The following FOXK1 variants were observed in gnomAD, a reference collection of about 807,000 sequenced individuals.
The protein encoded by FOXK1 is forkhead box K1, also known as forkhead box protein K1.
FOXK1 carries 19 observed loss-of-function variants against 51.9 expected under a neutral mutation model. That is an observed-to-expected ratio of 0.37 (90% CI 0.26 to 0.54). FOXK1 has a LOEUF of 0.54. Ranked by LOEUF, FOXK1 falls within the 20% of genes least tolerant of loss-of-function variation. The pLI is 0.87. For missense variants in FOXK1, 870 were observed against 1,032.7 expected, an observed-to-expected ratio of 0.84 and a Z score of 2.16; for synonymous variants, 537 against 482.6, an observed-to-expected ratio of 1.11 and a Z score of -1.48.
intron 1 of FOXK1, among the ~76,000 whole-genome samples, chr7:4,695,595 A>T (rs1354457104): frequency 6.6e-6 from 1 of 152,162 alleles, no homozygotes; most frequent in Non-Finnish European, 1.5e-5. Flanking sequence ...ACAGGTCAGG[A>T]GTTCGACACC....
chr7:4,685,270 G>A (rs1779804536), intron 1 of FOXK1, among the ~76,000 whole-genome samples: 1 of 136,298 alleles, frequency 7.3e-6, no homozygotes, highest in African/African-American at 2.7e-5. Context: ...CTGTTGTCCA[G>A]ACTGGAGTGC....
intron 1 of FOXK1, among the ~76,000 whole-genome samples, chr7:4,738,230 A>T (rs539833324): frequency 6.6e-6 from 1 of 151,728 alleles, no homozygotes; most frequent in East Asian, 1.9e-4. Context: ...TGAGGTCAGG[A>T]GTTTGAGACC....
rs970312912 is a variant in FOXK1 at position 4,749,724 on chromosome 7, G to C, written c.747-4735G>C. On this transcript the variant is annotated intron_variant, in intron 2 of 8. Coordinates refer to ENST00000328914, the MANE Select transcript of FOXK1 (RefSeq NM_001037165.2). The surrounding 1 kb of genome is among the most constrained non-coding windows in gnomAD (Gnocchi z 6.0). ...GTGGCCTTCTCAGCCTCAGAGCAGAGCCAAGGGCATTGAGGGTGGACTGGA... is the reference window on the plus strand; with the variant it reads ...GTGGCCTTCTCAGCCTCAGAGCAGACCCAAGGGCATTGAGGGTGGACTGGA... Among the ~76,000 whole-genome samples the C allele has an allele frequency of 1.3e-5, 2 of 152,238 alleles. No homozygotes were observed. The highest frequency in any genetic ancestry group is 2.9e-5 in the Non-Finnish European group (2 of 68,046).
intron 1 of FOXK1, among the ~76,000 whole-genome samples, chr7:4,719,591 C>T (rs950913975): frequency 1.3e-5 from 2 of 152,334 alleles, no homozygotes; most frequent in East Asian, 3.9e-4. Flanking sequence ...AAGCAATTCT[C>T]CTGCCTCAGC....
In FOXK1 at chr7:4,715,786, C is replaced by G. The variant is rs1253874055; in HGVS notation, c.561-25052C>G. ...CTCACAGCGAATCCACCGAAGAGCG[C>G]TCCCATCCACAGCCGGCTCTTTGAA... On this transcript the variant is annotated intron_variant, in intron 1 of 8. Transcript: ENST00000328914. This position sits in a 1 kb window ranked among gnomAD's most constrained non-coding sequence, Gnocchi z 4.5. Among the ~76,000 whole-genome samples the G allele has an allele frequency of 6.6e-6, 1 of 152,156 alleles. No homozygotes were observed. Among genetic ancestry groups the G allele is most frequent in the African/African-American group, 2.4e-5 (1 of 41,426 alleles).
Position 4,723,667 on chromosome 7 carries a change from T to C in FOXK1, c.561-17171T>C, listed in dbSNP as rs541628516. ...TTTTCCTTTCTCTCAAAACAGTTAC[T>C]ACCAATGTTTGTTTATTTGAGATAG... On this transcript the variant is annotated intron_variant, in intron 1 of 8. Transcript: ENST00000328914. The surrounding 1 kb of genome is among the most constrained non-coding windows in gnomAD (Gnocchi z 4.7). 1.3e-5 allele frequency among the ~76,000 whole-genome samples: 2 copies of C among 152,292 alleles called. No individual in the cohort carries two copies. Among genetic ancestry groups the C allele is most frequent in the South Asian group, 4.1e-4 (2 of 4,826 alleles).
At chr7:4,718,613 C>T (rs546216789) in intron 1 of FOXK1, among the ~76,000 whole-genome samples, 28 of 152,242 alleles carry the variant, frequency 1.8e-4, no homozygotes, top group African/African-American at 2.6e-4. Flanking sequence ...GGTGAGTACC[C>T]GGGAGTGCAG....
intron 2 of FOXK1, among the ~76,000 whole-genome samples, chr7:4,742,316 C>T (rs775321553): frequency 2.0e-5 from 3 of 152,142 alleles, no homozygotes; most frequent in Non-Finnish European, 4.4e-5. Flanking sequence ...AGGCTGGTCA[C>T]GTCAGTCCCT....
intron 1 of FOXK1, among the ~76,000 whole-genome samples, chr7:4,695,984 C>T (rs936526950): frequency 1.3e-5 from 2 of 151,118 alleles, no homozygotes; most frequent in Non-Finnish European, 2.9e-5. Flanking sequence ...GGTGTGGTGG[C>T]GTGCACCTGC....
At chr7:4,760,991 T>C in intron 7 of FOXK1, 73 bp from the exon 8 acceptor site, 1 of 1,453,492 alleles carries the variant, frequency 6.9e-7, no homozygotes, top group Admixed American at 1.7e-5. Context: ...TTGTCCGACC[T>C]GCTGCCCAGG....
At chr7:4,704,460 A>C (rs1780057079) in intron 1 of FOXK1, among the ~76,000 whole-genome samples, 2 of 151,916 alleles carry the variant, frequency 1.3e-5, no homozygotes, top group South Asian at 2.1e-4. Flanking sequence ...CAAAAAAAAA[A>C]AAAAAAAAGA....
At chr7:4,742,041 C>T (rs972867516) in intron 2 of FOXK1, among the ~76,000 whole-genome samples, 3 of 152,246 alleles carry the variant, frequency 2.0e-5, no homozygotes, top group African/African-American at 4.8e-5. Context: ...CTCTCCCAAC[C>T]GCACGTCTGT....
At chr7:4,708,345 C>A (rs905641634) in intron 1 of FOXK1, among the ~76,000 whole-genome samples, 2 of 152,112 alleles carry the variant, frequency 1.3e-5, no homozygotes, top group Non-Finnish European at 2.9e-5. Flanking sequence ...TGGAAGCCCC[C>A]GTGGATCGGG....
Position 4,730,536 on chromosome 7 carries a change from C to T in FOXK1, c.561-10302C>T, listed in dbSNP as rs1044306862. Among the ~76,000 whole-genome samples the T allele has an allele frequency of 1.3e-5, 2 of 152,186 alleles. No individual in the cohort carries two copies. Among genetic ancestry groups the T allele is most frequent in the Non-Finnish European group, 2.9e-5 (2 of 68,034 alleles). ...CCGTGTCTGTCGGGGAGGGGATGGACGTTTGTGTTGCTGTCAGGGACCTTG... is the reference window on the plus strand; with the variant it reads ...CCGTGTCTGTCGGGGAGGGGATGGATGTTTGTGTTGCTGTCAGGGACCTTG... On this transcript the variant is annotated intron_variant, in intron 1 of 8. Coordinates refer to ENST00000328914, the MANE Select transcript of FOXK1 (RefSeq NM_001037165.2). This position sits in a 1 kb window ranked among gnomAD's most constrained non-coding sequence, Gnocchi z 4.7.
chr7:4,763,290 G>GCC lies in FOXK1; in HGVS notation c.*827_*828dup, dbSNP rs1780962924. Reference sequence around the variant, plus strand: ...TAGGATGAAAGGTGAGCCTGGATCCGCCGGCCGCAGACATCGCGCTGCTGG... The same window carrying GCC: ...TAGGATGAAAGGTGAGCCTGGATCCGCCCCGGCCGCAGACATCGCGCTGCTGG... On this transcript the variant is annotated 3_prime_UTR_variant, in exon 9 of 9. Coordinates refer to ENST00000328914, the MANE Select transcript of FOXK1 (RefSeq NM_001037165.2). 6.6e-6 allele frequency: 1 copy of GCC among 152,190 alleles called. No individual in the cohort carries two copies. Among genetic ancestry groups the GCC allele is most frequent in the Non-Finnish European group, 1.5e-5 (1 of 68,036 alleles). 9.4% of individuals were successfully genotyped at this position (152,190 alleles called of 1,614,324 possible). A position where few individuals can be genotyped will look rare whatever the true frequency, so the allele number is the denominator to read the frequency against.
chr7:4,760,946 C>T (rs1780923084), intron 7 of FOXK1, 118 bp from the exon 8 acceptor site: 1 of 891,574 alleles, frequency 1.1e-6, no homozygotes, highest in Admixed American at 1.9e-5. Context: ...TCTAGCAAAC[C>T]TATTTTTTCC....
intron 1 of FOXK1, among the ~76,000 whole-genome samples, chr7:4,726,949 AT>A (rs112573482): frequency 1.6e-4 from 24 of 147,786 alleles, no homozygotes; most frequent in East Asian, 3.9e-4. Flanking sequence ...ACTAATTTTA[AT>A]TTTTTTTTTT....
At chr7:4,759,806 G>A (rs978544939) in intron 7 of FOXK1, 7 of 634,806 alleles carry the variant, frequency 1.1e-5, no homozygotes, top group Non-Finnish European at 1.9e-5. Context: ...CAAAGCGGGT[G>A]GATTACTTGA....
chr7:4,719,494 A>T (rs13228233), intron 1 of FOXK1, among the ~76,000 whole-genome samples: 53,207 of 151,060 alleles, frequency 0.35, 9,833 homozygotes, highest in African/African-American at 0.45. Context: ...CACTGCACAT[A>T]TTTTTTTGAC....
Sources: gnomAD v4.1 joint callset for allele counts (sites outside exome capture counted in the v4.1 genomes callset) on GRCh38, gnomAD v4.1.1 for gene constraint, Gnocchi (gnomAD v3.1) non-coding constraint, MANE v1.5 for transcripts, NCBI Gene and HGNC (gene_info 2026-07-23, HGNC 2026-07-21) for gene names.